Variants in TENM3 observed in about 807,000 individuals in gnomAD.
The protein encoded by TENM3 is teneurin transmembrane protein 3.
TENM3 carries 63 observed loss-of-function variants against 255.1 expected under a neutral mutation model. The observed-to-expected ratio is 0.25, with a 90% confidence interval of 0.20 to 0.30. TENM3 has a LOEUF of 0.30. Ranked by LOEUF, TENM3 falls within the 10% of genes least tolerant of loss-of-function variation. TENM3 has a pLI of 1.00. For missense variants in TENM3, 2,929 were observed against 3,461.1 expected, an observed-to-expected ratio of 0.85 and a Z score of 3.86; for synonymous variants, 1,306 against 1,322.3, an observed-to-expected ratio of 0.99 and a Z score of 0.27.
At chr4:181,842,124 ATAAAT>A in the TENM3 span, among the ~76,000 whole-genome samples, 1 of 152,192 alleles carries the variant, frequency 6.6e-6, no homozygotes, top group African/African-American at 2.4e-5. Context: ...TTGTTACTAA[ATAAAT>A]TAAAAGGCCA....
At chr4:182,059,217 T>G in the TENM3 span, among the ~76,000 whole-genome samples, 2 of 152,124 alleles carry the variant, frequency 1.3e-5, no homozygotes, top group African/African-American at 4.8e-5. Flanking sequence ...ACCTTCAGTT[T>G]ATGATCTCCT....
At chr4:181,539,741 C>A in the TENM3 span, among the ~76,000 whole-genome samples, 1 of 152,124 alleles carries the variant, frequency 6.6e-6, no homozygotes, top group Non-Finnish European at 1.5e-5. Context: ...ACTAATTTTT[C>A]TTTCCATAAT....
At chr4:182,743,845 A>G (rs1403351733) in intron 19 of TENM3, among the ~76,000 whole-genome samples, 2 of 152,196 alleles carry the variant, frequency 1.3e-5, no homozygotes, top group Admixed American at 1.3e-4. Context: ...TTTAACTAGA[A>G]TATTGGATCT....
chr4:182,052,902 T>G, the TENM3 span, among the ~76,000 whole-genome samples: 2 of 152,194 alleles, frequency 1.3e-5, no homozygotes, highest in South Asian at 2.1e-4. Flanking sequence ...TGAACTTTTG[T>G]GTTTGTATAT....
chr4:182,041,015 C>A, the TENM3 span, among the ~76,000 whole-genome samples: 1 of 152,026 alleles, frequency 6.6e-6, no homozygotes. Context: ...GAGTGACATG[C>A]AAAAATAGGA....
At chr4:182,237,558 G>A (rs1756976880) in intron 1 of TENM3, among the ~76,000 whole-genome samples, 1 of 152,032 alleles carries the variant, frequency 6.6e-6, no homozygotes, top group African/African-American at 2.4e-5. Flanking sequence ...TTGAGAGGCC[G>A]AGGCGGGCAG....
chr4:181,679,743 C>T, the TENM3 span, among the ~76,000 whole-genome samples: 5 of 152,000 alleles, frequency 3.3e-5, no homozygotes, highest in Non-Finnish European at 5.9e-5. Context: ...TGTATTATTG[C>T]GACTGAATTA....
At chr4:181,735,728 A>G in the TENM3 span, among the ~76,000 whole-genome samples, 1 of 152,130 alleles carries the variant, frequency 6.6e-6, no homozygotes, top group African/African-American at 2.4e-5. Context: ...CACACATTCT[A>G]GTAGACACTA....
the TENM3 span, among the ~76,000 whole-genome samples, chr4:181,990,847 G>A: frequency 6.6e-6 from 1 of 152,070 alleles, no homozygotes; most frequent in Admixed American, 6.6e-5. Flanking sequence ...GAGAAAGAAA[G>A]GCAAAATACC....
At chr4:181,989,323 C>T in the TENM3 span, among the ~76,000 whole-genome samples, 2 of 151,974 alleles carry the variant, frequency 1.3e-5, no homozygotes, top group Admixed American at 6.6e-5. Flanking sequence ...ATGGTGTTGT[C>T]ATGGAAGCTG....
chr4:181,457,154 T>C, the TENM3 span, among the ~76,000 whole-genome samples: 1 of 151,826 alleles, frequency 6.6e-6, no homozygotes, highest in Non-Finnish European at 1.5e-5. Context: ...TATTTTATAT[T>C]AGAAAAACCT....
intron 3 of TENM3, among the ~76,000 whole-genome samples, chr4:182,434,804 C>A (rs953876783): frequency 6.6e-6 from 1 of 152,132 alleles, no homozygotes; most frequent in Non-Finnish European, 1.5e-5. Context: ...CACAAGGAAT[C>A]TCCAATTAGA....
the TENM3 span, among the ~76,000 whole-genome samples, chr4:181,822,058 G>A: frequency 6.6e-6 from 1 of 152,312 alleles, no homozygotes; most frequent in East Asian, 1.9e-4. Flanking sequence ...AAATGAACAG[G>A]AGACTAGAGG....
chr4:182,027,669 A>G, the TENM3 span, among the ~76,000 whole-genome samples: 6 of 151,290 alleles, frequency 4.0e-5, no homozygotes, highest in Middle Eastern at 3.2e-3. Context: ...TAGGGTTTTT[A>G]TCATGAAGGG....
chr4:181,785,837 CAA>C, the TENM3 span, among the ~76,000 whole-genome samples: 12 of 151,420 alleles, frequency 7.9e-5, no homozygotes, highest in African/African-American at 2.7e-4. Context: ...CACACACACA[CAA>C]ACACACACAC....
chr4:181,879,150 G>A, the TENM3 span, among the ~76,000 whole-genome samples: 22 of 152,218 alleles, frequency 1.4e-4, no homozygotes, highest in African/African-American at 5.3e-4. Flanking sequence ...TCCATGTGCA[G>A]AAATATATGG....
chr4:182,066,768 G>T, the TENM3 span, among the ~76,000 whole-genome samples: 1 of 151,862 alleles, frequency 6.6e-6, no homozygotes, highest in African/African-American at 2.4e-5. Flanking sequence ...AAAATTAGCC[G>T]GGCGTGGTGG....
the TENM3 span, among the ~76,000 whole-genome samples, chr4:181,835,564 A>G: frequency 7.9e-4 from 121 of 152,272 alleles, no homozygotes; most frequent in African/African-American, 1.7e-3. Flanking sequence ...TTGGCGACCA[A>G]TGTAATCATT....
At chr4:181,466,997 T>G in the TENM3 span, among the ~76,000 whole-genome samples, 1 of 149,700 alleles carries the variant, frequency 6.7e-6, no homozygotes, top group Non-Finnish European at 1.5e-5. Flanking sequence ...AAATCTATTT[T>G]AGGTAAAAAC....
Sources: allele counts gnomAD v4.1 joint callset (sites outside exome capture counted in the v4.1 genomes callset), GRCh38; gene constraint gnomAD v4.1.1; transcripts MANE v1.5; gene names NCBI Gene and HGNC (gene_info 2026-07-23, HGNC 2026-07-21).